Variants in LOXL2 observed in about 807,000 individuals in gnomAD.
LOXL2 encodes the protein lysyl oxidase like 2, also known as lysyl oxidase homolog 2.
In LOXL2, 70 loss-of-function variants were observed where a neutral mutation model predicts 93.0. That is an observed-to-expected ratio of 0.75 (90% CI 0.62 to 0.92). The LOEUF (loss-of-function observed/expected upper bound fraction) is 0.92. Ranked by LOEUF, LOXL2 falls within the 40% of genes least tolerant of loss-of-function variation. The pLI is 0.00. For synonymous variants in LOXL2, 438 were observed against 413.2 expected (o/e 1.06, Z -0.73); for missense variants, 973 against 1,054.9 (o/e 0.92, Z 1.08).
At chr8:23,370,264 A>T (rs1173532389) in intron 1 of LOXL2, among the ~76,000 whole-genome samples, 1 of 151,884 alleles carries the variant, frequency 6.6e-6, no homozygotes, top group Non-Finnish European at 1.5e-5. Context: ...CCTCCCCTCC[A>T]AATGGCACCT....
intron 1 of LOXL2, among the ~76,000 whole-genome samples, chr8:23,386,706 A>C (rs964814123): frequency 6.6e-6 from 1 of 151,956 alleles, no homozygotes; most frequent in Non-Finnish European, 1.5e-5. Context: ...TCTAAGAAGC[A>C]TCTGCTCCAG....
intron 3 of LOXL2, among the ~76,000 whole-genome samples, chr8:23,353,158 G>C (rs567488641): frequency 6.6e-6 from 1 of 152,150 alleles, no homozygotes; most frequent in Non-Finnish European, 1.5e-5. Flanking sequence ...CAGCCGGGGA[G>C]CAGAGGTTTA....
intron 4 of LOXL2, chr8:23,336,689 G>C (rs1196877580): frequency 6.6e-6 from 1 of 152,210 alleles, no homozygotes; most frequent in Non-Finnish European, 1.5e-5. Context: ...ATGCTTTCCG[G>C]AAGTGGGGAA....
rs765006723 is a variant in LOXL2, at chr8:23,298,030, C to T, written c.*13G>A. The T allele has an allele frequency of 5.6e-6, 9 of 1,611,492 alleles. No individual in the cohort carries two copies. The highest frequency in any genetic ancestry group is 5.3e-5 in the African/African-American group (4 of 74,882). On this transcript the variant is annotated 3_prime_UTR_variant, in exon 14 of 14. Coordinates refer to ENST00000389131, the MANE Select transcript of LOXL2 (RefSeq NM_002318.3). ...GTGTGGCCTGAAGACAGGAGTTGACCACGCAGGCTTCTTTACTGCGGGGAC... is the reference window on the plus strand; with the variant it reads ...GTGTGGCCTGAAGACAGGAGTTGACTACGCAGGCTTCTTTACTGCGGGGAC...
At chr8:23,345,515 C>G (rs559786898) in intron 3 of LOXL2, among the ~76,000 whole-genome samples, 2 of 152,184 alleles carry the variant, frequency 1.3e-5, no homozygotes, top group Non-Finnish European at 2.9e-5. Context: ...GGCAGGGAAG[C>G]CCTCTGGGGC....
Position 23,361,407 on chromosome 8 carries a change from G to A in LOXL2, c.356-1142C>T, listed in dbSNP as rs962066874. On this transcript the variant is annotated intron_variant, in intron 2 of 13. Coordinates refer to ENST00000389131, the MANE Select transcript of LOXL2 (RefSeq NM_002318.3). ...CTGGCCCACGGAGCCACCTCATCAT[G>A]TTTCAGAAGGCCGCCAAGGGACTCT... 3.3e-5 allele frequency among the ~76,000 whole-genome samples: 5 copies of A among 152,108 alleles called. No homozygotes were observed. In the East Asian group the frequency reaches 9.6e-4, roughly 29 times the overall value.
intron 2 of LOXL2, chr8:23,364,685 T>TA (rs35020769): frequency 0.27 from 40,790 of 151,402 alleles, 5,726 homozygotes; most frequent in East Asian, 0.42. Context: ...AAAATAGAAT[T>TA]AAAAAAATCA....
chr8:23,321,984 A>C, intron 7 of LOXL2, 146 bp downstream of exon 7: 1 of 897,526 alleles, frequency 1.1e-6, no homozygotes, highest in East Asian at 2.4e-5. Flanking sequence ...TTCGAGGGGG[A>C]ACTAAACATT....
chr8:23,394,978 G>A (rs1463197488), intron 1 of LOXL2, among the ~76,000 whole-genome samples: 1 of 152,144 alleles, frequency 6.6e-6, no homozygotes, highest in Non-Finnish European at 1.5e-5. Context: ...AACATTAGGG[G>A]AGCACCGTGG....
rs1803176476 is a variant in LOXL2 at position 23,303,529 on chromosome 8, GGAT to G, written c.1881-135_1881-133del. The G allele has an allele frequency of 1.6e-5, 10 of 629,100 alleles. No individual in the cohort carries two copies. The South Asian group carries it at 1.8e-4, about 11-fold the overall frequency. The allele number at this position is 629,100 out of a possible 1,614,324, so 39.0% of individuals were successfully genotyped here. On this transcript the variant is annotated intron_variant, in intron 10 of 13. Coordinates refer to ENST00000389131, the MANE Select transcript of LOXL2 (RefSeq NM_002318.3). ...GAGGGGGCCGGGTGGGGAGAGGAGTGGATGAGAGGCCTGAGGAAAGGAAAGCCG... is the reference window on the plus strand; with the variant it reads ...GAGGGGGCCGGGTGGGGAGAGGAGTGGAGAGGCCTGAGGAAAGGAAAGCCG...
At chr8:23,356,387 C>G (rs984073271) in intron 3 of LOXL2, among the ~76,000 whole-genome samples, 1 of 152,234 alleles carries the variant, frequency 6.6e-6, no homozygotes, top group Non-Finnish European at 1.5e-5. Flanking sequence ...ACTTCAGCTA[C>G]TGATACAGGC....
intron 5 of LOXL2, among the ~76,000 whole-genome samples, chr8:23,332,203 A>C (rs1382851513): frequency 1.5e-5 from 2 of 134,768 alleles, no homozygotes; most frequent in African/African-American, 2.8e-5. Flanking sequence ...CCCCACACAC[A>C]CCCACACCCA....
Position 23,297,985 on chromosome 8 carries a change from G to T in LOXL2, c.*58C>A. On this transcript the variant is annotated 3_prime_UTR_variant, in exon 14 of 14. Coordinates refer to ENST00000389131, the MANE Select transcript of LOXL2 (RefSeq NM_002318.3). ...TTCGTTCAGACTCAGTTGTTGGGGG[G>T]AAGTCCCATGGAAGATGTGGTGTGG... is the stretch of plus-strand genomic sequence containing the variant. 7.0e-6 allele frequency: 10 copies of T among 1,431,434 alleles called. No individual in the cohort carries two copies. The highest frequency in any genetic ancestry group is 4.0e-4 in the Middle Eastern group (2 of 4,970). The allele number at this position is 1,431,434 out of a possible 1,614,324, so 88.7% of individuals were successfully genotyped here. A position where few individuals can be genotyped will look rare whatever the true frequency, so the allele number is the denominator to read the frequency against.
intron 12 of LOXL2, among the ~76,000 whole-genome samples, chr8:23,300,351 T>C (rs1352101151): frequency 6.6e-6 from 1 of 152,166 alleles, no homozygotes; most frequent in African/African-American, 2.4e-5. Flanking sequence ...ATCTAGGAAA[T>C]GATGAGAAAG....
chr8:23,403,749 T>G (rs1800182240), intron 1 of LOXL2, among the ~76,000 whole-genome samples: 2 of 151,340 alleles, frequency 1.3e-5, no homozygotes, highest in Non-Finnish European at 2.9e-5. Context: ...CCGTACGAGG[T>G]GGGGTTGGGC....
intron 1 of LOXL2, among the ~76,000 whole-genome samples, chr8:23,397,514 C>T (rs1800105361): frequency 6.6e-6 from 1 of 152,154 alleles, no homozygotes; most frequent in African/African-American, 2.4e-5. Flanking sequence ...CACAGTGGCT[C>T]ACGCCTGTAA....
At chr8:23,330,265 C>T (rs1449156803) in intron 5 of LOXL2, among the ~76,000 whole-genome samples, 1 of 152,176 alleles carries the variant, frequency 6.6e-6, no homozygotes, top group African/African-American at 2.4e-5. Flanking sequence ...ACCCGGGAGG[C>T]GGAGCTTGCA....
intron 9 of LOXL2, among the ~76,000 whole-genome samples, chr8:23,315,121 G>A (rs1433551833): frequency 3.9e-5 from 6 of 152,198 alleles, no homozygotes; most frequent in Non-Finnish European, 8.8e-5. Flanking sequence ...TCACTGTAGG[G>A]ATCTCCTTTG....
chr8:23,400,626 T>C (rs1800143004), intron 1 of LOXL2, among the ~76,000 whole-genome samples: 1 of 152,154 alleles, frequency 6.6e-6, no homozygotes, highest in African/African-American at 2.4e-5. Context: ...TATATACCCC[T>C]ACTTCTCTGT....
Sources: gnomAD v4.1 joint callset for allele counts (sites outside exome capture counted in the v4.1 genomes callset) on GRCh38, gnomAD v4.1.1 for gene constraint, MANE v1.5 for transcripts, NCBI Gene and HGNC (gene_info 2026-07-23, HGNC 2026-07-21) for gene names.